ERFL: variants seen among roughly 807,000 people sequenced by gnomAD.
The protein encoded by ERFL is ETS repressor factor like.
Under a neutral mutation model 27.9 loss-of-function variants are expected in ERFL, and 8 were observed. That is an observed-to-expected ratio of 0.29 (90% CI 0.17 to 0.52). ERFL has a LOEUF of 0.52. ERFL is among the 20% of genes least tolerant of loss of function. ERFL has a pLI of 0.97. For synonymous variants in ERFL, 174 were observed against 202.8 expected (o/e 0.86, Z 1.21); for missense variants, 294 against 444.4 (o/e 0.66, Z 3.04).
At chr19:41,911,718 C>T (rs1333278774) in intron 2 of ERFL, among the ~76,000 whole-genome samples, 2 of 152,092 alleles carry the variant, frequency 1.3e-5, no homozygotes, top group Non-Finnish European at 2.9e-5. Flanking sequence ...ACTGGGGAGG[C>T]AACTGTATCA....
chr19:41,919,549 AC>A (rs1370260166), intron 1 of ERFL, among the ~76,000 whole-genome samples: 1 of 151,830 alleles, frequency 6.6e-6, no homozygotes, highest in Non-Finnish European at 1.5e-5. Flanking sequence ...CCACATCTGA[AC>A]CCAGACTCAG....
chr19:41,909,119 A>AGGGGTGTCCGGGCCCCTGGCTCTCCC lies in ERFL; in HGVS notation c.531_556dup (p.Leu186ArgfsTer188). ...CAATTTATCTGTCTCGGAGGTGAACAGGGGTGTCCGGGCCCCTGGCTCTCC... is the reference window on the plus strand; with the variant it reads ...CAATTTATCTGTCTCGGAGGTGAACAGGGGTGTCCGGGCCCCTGGCTCTCCCGGGGTGTCCGGGCCCCTGGCTCTCC... On this transcript the variant is annotated frameshift_variant, in exon 5 of 6. Coordinates refer to ENST00000597630, the MANE Select transcript of ERFL (RefSeq NM_001365103.2). LOFTEE classifies it high-confidence loss of function. This position sits in a 1 kb window ranked among gnomAD's most constrained non-coding sequence, Gnocchi z 5.2. 2 of 1,231,896 alleles carry AGGGGTGTCCGGGCCCCTGGCTCTCCC rather than the reference A, an allele frequency of 1.6e-6. No individual in the cohort carries two copies. The highest frequency in any genetic ancestry group is 2.0e-6 in the Non-Finnish European group (2 of 988,158). The allele number at this position is 1,231,896 out of a possible 1,614,324, so 76.3% of individuals were successfully genotyped here. A position where few individuals can be genotyped will look rare whatever the true frequency, so the allele number is the denominator to read the frequency against.
rs1050322905 is a variant in ERFL, at chr19:41,908,595, G to A, written c.698C>T (p.Pro233Leu). ...CTTGGGGAAGGGGCCCGTGAGGTACGGGTTAAAGTTCCAGGGGTACTCAGG... is the reference window on the plus strand; with the variant it reads ...CTTGGGGAAGGGGCCCGTGAGGTACAGGTTAAAGTTCCAGGGGTACTCAGG... The part of the protein sequence containing the change: ...AFPEYPWNFN[P>L]YLTGPFPKLP... Residue 233 changes from proline to leucine, a missense_variant, in exon 6 of 6, where the codon CCG (proline) becomes CTG (leucine). By Grantham distance (98) the Pro-to-Leu change is moderately conservative. Coordinates refer to ENST00000597630, the MANE Select transcript of ERFL (RefSeq NM_001365103.2). The surrounding 1 kb of genome is among the most constrained non-coding windows in gnomAD (Gnocchi z 6.7). 52 of 1,231,648 alleles carry A rather than the reference G, an allele frequency of 4.2e-5. No individual in the cohort carries two copies. The African/African-American group carries it at 5.3e-4, about 13-fold the overall frequency. The allele number at this position is 1,231,648 out of a possible 1,614,324, so 76.3% of individuals were successfully genotyped here.
Position 41,909,344 on chromosome 19 carries a change from G to A in ERFL, c.430C>T (p.Pro144Ser). The change falls in exon 4 of 6, where the codon CCA becomes TCA. Residue 144 changes from proline (P) to serine (S), a missense_variant. Physicochemically the swap from Pro to Ser is moderately conservative, Grantham distance 74. Coordinates refer to ENST00000597630, the MANE Select transcript of ERFL (RefSeq NM_001365103.2). This position sits in a 1 kb window ranked among gnomAD's most constrained non-coding sequence, Gnocchi z 5.2. ...AAGGGACTGGGGGTCAGCAAGAGTG[G>A]GGAGCCAGTGGCAGCTGCCGCCATG... ...LDMAAAATGS[P>S]LLLTPSPFGG... The A allele has an allele frequency of 8.1e-7, 1 of 1,235,934 alleles. No homozygotes were observed. The highest frequency in any genetic ancestry group is 2.1e-4 in the Middle Eastern group (1 of 4,790). 76.6% of individuals were successfully genotyped at this position (1,235,934 alleles called of 1,614,324 possible).
chr19:41,915,046 C>T lies in ERFL; in HGVS notation c.-13-2114G>A, dbSNP rs1258291460. On this transcript the variant is annotated intron_variant, in intron 1 of 5. Transcript: ENST00000597630. Reference sequence around the variant, plus strand: ...CCCTGTCCCGCGTCTCTCCAGCAGCCCCGCTCCCCCACACCTCTCCCCCAC... The same window carrying T: ...CCCTGTCCCGCGTCTCTCCAGCAGCTCCGCTCCCCCACACCTCTCCCCCAC... 4.6e-5 allele frequency among the ~76,000 whole-genome samples: 5 copies of T among 107,764 alleles called. No individual in the cohort carries two copies. The East Asian group carries it at 1.4e-3, about 30-fold the overall frequency. The allele number at this position is 107,764 out of a possible 152,430, so 70.7% of individuals were successfully genotyped here.
chr19:41,917,427 G>T lies in ERFL; in HGVS notation c.-13-4495C>A, dbSNP rs1033950096. ...AGCTGCGCCGGCCGCCTCGGGAGCC[G>T]CCTCGGGCCTCGCACCCCCACCACC... is the stretch of plus-strand genomic sequence containing the variant. On this transcript the variant is annotated intron_variant, in intron 1 of 5. Coordinates refer to ENST00000597630, the MANE Select transcript of ERFL (RefSeq NM_001365103.2). This position sits in a 1 kb window ranked among gnomAD's most constrained non-coding sequence, Gnocchi z 4.8. Among the ~76,000 whole-genome samples, 1 of 151,768 alleles carries T rather than the reference G, an allele frequency of 6.6e-6. No homozygotes were observed. The highest frequency in any genetic ancestry group is 2.1e-4 in the South Asian group (1 of 4,820).
chr19:41,912,275 A>AC (rs2074757064), intron 2 of ERFL, among the ~76,000 whole-genome samples: 1 of 152,086 alleles, frequency 6.6e-6, no homozygotes, highest in Admixed American at 6.5e-5. Flanking sequence ...CTGAAATGAG[A>AC]CCCCAAATAA....
chr19:41,911,058 C>T (rs551963932), intron 2 of ERFL, among the ~76,000 whole-genome samples: 8 of 152,282 alleles, frequency 5.3e-5, no homozygotes, highest in African/African-American at 1.7e-4. Context: ...ACCAAGATAT[C>T]CATGTCCCCA....
At chr19:41,919,267 G>A (rs2074823193) in intron 1 of ERFL, among the ~76,000 whole-genome samples, 1 of 152,088 alleles carries the variant, frequency 6.6e-6, no homozygotes, top group Non-Finnish European at 1.5e-5. Context: ...AGCACACAGG[G>A]TGACACCAGA....
intron 1 of ERFL, among the ~76,000 whole-genome samples, chr19:41,914,630 TCTCTGTCTCTCC>T: frequency 3.2e-5 from 1 of 31,686 alleles, no homozygotes; most frequent in Non-Finnish European, 5.3e-5. Context: ...ACCATCTCTG[TCTCTGTCTCTCC>T]CTCCCTTTCC....
chr19:41,917,740 C>A lies in ERFL; in HGVS notation c.-13-4808G>T, dbSNP rs2074810701. Among the ~76,000 whole-genome samples the A allele has an allele frequency of 6.6e-6, 1 of 151,820 alleles. No individual in the cohort carries two copies. The highest frequency in any genetic ancestry group is 2.1e-4 in the South Asian group (1 of 4,818). ...CATATCTCTCCTTACGCCACACGCC[C>A]ATGTAGGACACATCTGTGCACACAG... is the stretch of plus-strand genomic sequence containing the variant. On this transcript the variant is annotated intron_variant, in intron 1 of 5. Coordinates refer to ENST00000597630, the MANE Select transcript of ERFL (RefSeq NM_001365103.2). This position sits in a 1 kb window ranked among gnomAD's most constrained non-coding sequence, Gnocchi z 4.8.
intron 2 of ERFL, among the ~76,000 whole-genome samples, chr19:41,911,348 A>G (rs2074750202): frequency 6.6e-6 from 1 of 152,222 alleles, no homozygotes; most frequent in Non-Finnish European, 1.5e-5. Flanking sequence ...GCATGAAAAT[A>G]GAAGGCAGAG....
rs1485616783 is a variant in ERFL at position 41,909,916 on chromosome 19, A to G, written c.249T>C (p.Gly83=). The part of the protein sequence containing the change: ...KDPDEVARLW[G]IRKCKPHMNY... ...TCATGTGGGGCTTGCATTTGCGAATACCCCACAGCCGGGCCACCTCATCGG... is the reference window on the plus strand; with the variant it reads ...TCATGTGGGGCTTGCATTTGCGAATGCCCCACAGCCGGGCCACCTCATCGG... Residue 83 remains glycine (G), a synonymous_variant, in exon 3 of 6, where the codon GGT becomes GGC. Transcript: ENST00000597630. This position sits in a 1 kb window ranked among gnomAD's most constrained non-coding sequence, Gnocchi z 5.2. 1 of 1,613,570 alleles carries G rather than the reference A, an allele frequency of 6.2e-7. No homozygotes were observed.
At chr19:41,920,431 A>G (rs1315551584) in intron 1 of ERFL, among the ~76,000 whole-genome samples, 1 of 144,228 alleles carries the variant, frequency 6.9e-6, no homozygotes, top group Non-Finnish European at 1.5e-5. Context: ...ACACTCACAG[A>G]CATGACACGC....
intron 1 of ERFL, among the ~76,000 whole-genome samples, chr19:41,915,476 G>A (rs1456953959): frequency 1.3e-5 from 2 of 151,482 alleles, no homozygotes; most frequent in Non-Finnish European, 1.5e-5. Flanking sequence ...CTCCACTTCT[G>A]TGTCCCCACG....
chr19:41,921,270 G>A lies in ERFL; in HGVS notation c.-14+6770C>T, dbSNP rs2074840749. 1.3e-5 allele frequency among the ~76,000 whole-genome samples: 2 copies of A among 152,176 alleles called. No homozygotes were observed. Among genetic ancestry groups the A allele is most frequent in the Admixed American group, 1.3e-4 (2 of 15,282 alleles). On this transcript the variant is annotated intron_variant, in intron 1 of 5. Coordinates refer to ENST00000597630, the MANE Select transcript of ERFL (RefSeq NM_001365103.2). The surrounding 1 kb of genome is among the most constrained non-coding windows in gnomAD (Gnocchi z 4.4). ...GGTTGGGGTGGGGGGCACAGAGAAG[G>A]GGAGACATGCAGGGAGGAAGAGAGA...
chr19:41,913,399 C>T (rs2074766313), intron 1 of ERFL, among the ~76,000 whole-genome samples: 1 of 151,928 alleles, frequency 6.6e-6, no homozygotes, highest in African/African-American at 2.4e-5. Flanking sequence ...CTGGCTGCCC[C>T]AGATTTATCT....
intron 1 of ERFL, among the ~76,000 whole-genome samples, chr19:41,926,427 C>A (rs1307482676): frequency 6.6e-6 from 1 of 152,114 alleles, no homozygotes; most frequent in Non-Finnish European, 1.5e-5. Context: ...ATGGATGTGA[C>A]AGGTGCATTG....
chr19:41,920,863 G>C (rs544664247), intron 1 of ERFL, among the ~76,000 whole-genome samples: 4 of 152,356 alleles, frequency 2.6e-5, no homozygotes, highest in African/African-American at 9.6e-5. Context: ...CAGAGACAGA[G>C]AGGCCTGTGG....
Sources: gnomAD v4.1 joint callset for allele counts (sites outside exome capture counted in the v4.1 genomes callset) on GRCh38, gnomAD v4.1.1 for gene constraint, Gnocchi (gnomAD v3.1) non-coding constraint, MANE v1.5 for transcripts, NCBI Gene and HGNC (gene_info 2026-07-23, HGNC 2026-07-21) for gene names.